PKD2: variants seen among roughly 807,000 people sequenced by gnomAD.
PKD2 encodes polycystin-2.
In PKD2, 48 loss-of-function variants were observed where a neutral mutation model predicts 105.9. That is an observed-to-expected ratio of 0.45 (90% CI 0.36 to 0.58). PKD2 has a LOEUF of 0.58. PKD2 is among the 20% of genes least tolerant of loss of function. PKD2 has a pLI of 0.00. For missense variants in PKD2, 1,078 were observed against 1,255.3 expected, an observed-to-expected ratio of 0.86 and a Z score of 2.13; for synonymous variants, 464 against 481.1, an observed-to-expected ratio of 0.96 and a Z score of 0.46.
chr4:88,075,761 G>A lies in PKD2; in HGVS notation c.*67G>A. 9.0e-7 allele frequency: 1 copy of A among 1,108,994 alleles called. No individual in the cohort carries two copies. The highest frequency in any genetic ancestry group is 1.2e-5 in the South Asian group (1 of 80,840). 68.7% of individuals were successfully genotyped at this position (1,108,994 alleles called of 1,614,324 possible). On this transcript the variant is annotated 3_prime_UTR_variant, in exon 15 of 15. Transcript: ENST00000237596. ...TGGCTGTCCTGAATTGCTGTAACAA[G>A]CACACTATTTATATGCCCTGACCAC...
rs552428749 is a variant in PKD2 at position 88,053,824 on chromosome 4, G to A, written c.1716+1666G>A. On this transcript the variant is annotated intron_variant, in intron 7 of 14. Coordinates refer to ENST00000237596, the MANE Select transcript of PKD2 (RefSeq NM_000297.4). ...AATAGTAATAAGAATGTTCTGTGGT[G>A]ATGGAAATGTTCTATATTTTCATTG... Among the ~76,000 whole-genome samples, 8 of 152,242 alleles carry A rather than the reference G, an allele frequency of 5.3e-5. No individual in the cohort carries two copies. The East Asian group carries it at 1.5e-3, about 29-fold the overall frequency.
In PKD2 at chr4:88,024,049, C is replaced by T. The variant is rs28685080; in HGVS notation, c.709+4478C>T. ...AAACCTGAGAGTTGCTATGAATTCA[C>T]CATTAAAGCACTTATTAATATACAT... On this transcript the variant is annotated intron_variant, in intron 2 of 14. Coordinates refer to ENST00000237596, the MANE Select transcript of PKD2 (RefSeq NM_000297.4). Among the ~76,000 whole-genome samples the T allele has an allele frequency of 4.2e-3, 638 of 152,192 alleles. 2 individuals are homozygous for T. Among genetic ancestry groups the T allele is most frequent in the African/African-American group, 0.015 (606 of 41,500 alleles).
At chr4:88,017,215 C>T (rs1433105222) in intron 1 of PKD2, among the ~76,000 whole-genome samples, 1 of 152,048 alleles carries the variant, frequency 6.6e-6, no homozygotes, top group Non-Finnish European at 1.5e-5. Context: ...ATCAAGCCTT[C>T]AGTGAGCTGT....
At chr4:88,043,578 C>CG (rs1727660206) in intron 5 of PKD2, 121 bp downstream of exon 5, 1 of 690,038 alleles carries the variant, frequency 1.4e-6, no homozygotes, top group Non-Finnish European at 2.6e-6. Context: ...AGGACCCAGA[C>CG]GGATAGCAAG....
intron 2 of PKD2, among the ~76,000 whole-genome samples, chr4:88,033,263 C>T (rs1216694063): frequency 6.6e-6 from 1 of 151,914 alleles, no homozygotes; most frequent in Non-Finnish European, 1.5e-5. Context: ...CCCGTCTCTA[C>T]AAAAAATTTG....
chr4:88,035,797 T>C (rs1306318972), intron 2 of PKD2, among the ~76,000 whole-genome samples: 1 of 151,782 alleles, frequency 6.6e-6, no homozygotes, highest in Non-Finnish European at 1.5e-5. Flanking sequence ...GCAGGGAGAG[T>C]AGGCTGGTGT....
At chr4:88,053,437 C>A (rs550341672) in intron 7 of PKD2, among the ~76,000 whole-genome samples, 1 of 152,082 alleles carries the variant, frequency 6.6e-6, no homozygotes, top group South Asian at 2.1e-4. Context: ...GAGATAGGTC[C>A]CCTGAGCCCA....
At chr4:88,013,805 G>T (rs1370322588) in intron 1 of PKD2, among the ~76,000 whole-genome samples, 1 of 151,992 alleles carries the variant, frequency 6.6e-6, no homozygotes, top group African/African-American at 2.4e-5. Context: ...AGAATGAGAG[G>T]GGAATACAAG....
chr4:88,043,136 T>C (rs1006355083), intron 4 of PKD2, 97 bp from the exon 5 acceptor site: 33 of 797,230 alleles, frequency 4.1e-5, no homozygotes, highest in Non-Finnish European at 6.7e-5. Context: ...TAGGCCTTAA[T>C]ACATACTTTA....
chr4:88,072,903 G>A (rs376420055), intron 13 of PKD2, among the ~76,000 whole-genome samples: 2 of 152,024 alleles, frequency 1.3e-5, no homozygotes, highest in Non-Finnish European at 2.9e-5. Flanking sequence ...CTGGTGGGTT[G>A]TGTATACCTG....
rs188865277 is a variant in PKD2 at position 88,058,568 on chromosome 4, C to T, written c.2019+465C>T. On this transcript the variant is annotated intron_variant, in intron 9 of 14. Coordinates refer to ENST00000237596, the MANE Select transcript of PKD2 (RefSeq NM_000297.4). ...TTCTTTTCTTTTTAAAAAATAAGAA[C>T]GGAAAAGCAAGCTAGATCTAAGATG... is the stretch of plus-strand genomic sequence containing the variant. 1.3e-3 allele frequency among the ~76,000 whole-genome samples: 194 copies of T among 152,114 alleles called. 1 individual carries two copies. The highest frequency in any genetic ancestry group is 4.3e-3 in the African/African-American group (179 of 41,508).
At chr4:88,073,188 TAAA>T (rs370425542) in intron 13 of PKD2, among the ~76,000 whole-genome samples, 2 of 115,906 alleles carry the variant, frequency 1.7e-5, no homozygotes, top group Non-Finnish European at 3.6e-5. Flanking sequence ...TTGTCTCTAT[TAAA>T]AAAAAAAAAA....
Position 88,076,555 on chromosome 4 carries a change from T to C in PKD2, c.*861T>C, listed in dbSNP as rs1721241177. 6.6e-6 allele frequency: 1 copy of C among 152,276 alleles called. No homozygotes were observed. The highest frequency in any genetic ancestry group is 1.9e-4 in the East Asian group (1 of 5,206). 9.4% of individuals were successfully genotyped at this position (152,276 alleles called of 1,614,324 possible). ...TCATTTGCAACTGAATTTAATGTTA[T>C]AACTCATCTAGTGAGACCAACTTAC... is the stretch of plus-strand genomic sequence containing the variant. On this transcript the variant is annotated 3_prime_UTR_variant, in exon 15 of 15. Coordinates refer to ENST00000237596, the MANE Select transcript of PKD2 (RefSeq NM_000297.4).
rs62310565 is a variant in PKD2, at chr4:88,019,442, C to T, written c.596-16C>T. ...ATAAAATGATATCTTTTCTTTTCTTCATTATTATTTTAAAGGTCTCTGGGG... is the reference window on the plus strand; with the variant it reads ...ATAAAATGATATCTTTTCTTTTCTTTATTATTATTTTAAAGGTCTCTGGGG... On this transcript the variant is annotated splice_polypyrimidine_tract_variant and intron_variant, in intron 1 of 14. Transcript: ENST00000237596. 28,768 of 1,219,848 alleles carry T rather than the reference C, an allele frequency of 0.024. 448 individuals are homozygous for T. The highest frequency in any genetic ancestry group is 0.029 in the Admixed American group (1,723 of 59,242). The allele number at this position is 1,219,848 out of a possible 1,614,324, so 75.6% of individuals were successfully genotyped here. A position where few individuals can be genotyped will look rare whatever the true frequency, so the allele number is the denominator to read the frequency against.
In PKD2 at chr4:88,019,294, C is replaced by A. The variant is rs147790505; in HGVS notation, c.596-164C>A. Reference sequence around the variant, plus strand: ...TACTCTTAAATAAAAGGTAGGCCTACAAAACCAGTTTCTCAGTTGCATTCA... The same window carrying A: ...TACTCTTAAATAAAAGGTAGGCCTAAAAAACCAGTTTCTCAGTTGCATTCA... On this transcript the variant is annotated intron_variant, in intron 1 of 14. Coordinates refer to ENST00000237596, the MANE Select transcript of PKD2 (RefSeq NM_000297.4). Among the ~76,000 whole-genome samples, 899 of 148,880 alleles carry A rather than the reference C, an allele frequency of 6.0e-3. 12 individuals are homozygous for A. Among genetic ancestry groups the A allele is most frequent in the African/African-American group, 0.021 (843 of 40,404 alleles).
chr4:88,044,293 C>T (rs183684644), intron 5 of PKD2, among the ~76,000 whole-genome samples: 39 of 152,278 alleles, frequency 2.6e-4, no homozygotes, highest in African/African-American at 8.9e-4. Flanking sequence ...AGAGTTCACC[C>T]ACTTTAATCT....
Position 88,026,292 on chromosome 4 carries a change from G to C in PKD2, c.709+6721G>C, listed in dbSNP as rs559982142. Among the ~76,000 whole-genome samples, 5 of 152,314 alleles carry C rather than the reference G, an allele frequency of 3.3e-5. No individual in the cohort carries two copies. In the East Asian group the frequency reaches 9.6e-4, roughly 29 times the overall value. On this transcript the variant is annotated intron_variant, in intron 2 of 14. Coordinates refer to ENST00000237596, the MANE Select transcript of PKD2 (RefSeq NM_000297.4). ...GATGAGGAACTTATTGGGAACTGGA[G>C]TAAACGTCACTCTTACATGTTTTAG...
intron 2 of PKD2, among the ~76,000 whole-genome samples, chr4:88,030,932 C>G (rs758158955): frequency 4.6e-5 from 7 of 152,206 alleles, no homozygotes; most frequent in Non-Finnish European, 1.0e-4. Context: ...CCTAATAATT[C>G]CTTGATTTGG....
Position 88,043,477 on chromosome 4 carries a change from A to C in PKD2, c.1319+20A>C, listed in dbSNP as rs1317633161. 1 of 1,495,052 alleles carries C rather than the reference A, an allele frequency of 6.7e-7. No individual in the cohort carries two copies. The highest frequency in any genetic ancestry group is 1.1e-5 in the South Asian group (1 of 88,676). 92.6% of individuals were successfully genotyped at this position (1,495,052 alleles called of 1,614,324 possible). On this transcript the variant is annotated intron_variant, in intron 5 of 14. Transcript: ENST00000237596. ...GGTCAGGTGTGTACTGAGGACATGC[A>C]TCCCTCCTATTTCTGTGTGGTTGTA...
Sources: allele counts gnomAD v4.1 joint callset (sites outside exome capture counted in the v4.1 genomes callset), GRCh38; gene constraint gnomAD v4.1.1; transcripts MANE v1.5; gene names NCBI Gene and HGNC (gene_info 2026-07-23, HGNC 2026-07-21).